The following PCSK6 variants were observed in gnomAD, a reference collection of about 807,000 sequenced individuals.
The protein encoded by PCSK6 is paired basic amino acid cleaving enzyme 4.
Under a neutral mutation model 123.3 loss-of-function variants are expected in PCSK6, and 85 were observed. That is an observed-to-expected ratio of 0.69 (90% CI 0.58 to 0.83). PCSK6 has a LOEUF of 0.83. Ranked by LOEUF, PCSK6 falls within the 40% of genes least tolerant of loss-of-function variation. The pLI is 0.00. For synonymous variants in PCSK6, 508 were observed against 516.0 expected (o/e 0.98, Z 0.21); for missense variants, 1,191 against 1,282.3 (o/e 0.93, Z 1.09).
intron 11 of PCSK6, among the ~76,000 whole-genome samples, chr15:101,380,947 G>A (rs1185699778): frequency 1.3e-5 from 2 of 152,118 alleles, no homozygotes; most frequent in African/African-American, 4.8e-5. Flanking sequence ...ACAAGGCCCA[G>A]AGAAACACCG....
chr15:101,310,322 C>T (rs922983542), intron 20 of PCSK6, among the ~76,000 whole-genome samples: 2 of 152,148 alleles, frequency 1.3e-5, no homozygotes, highest in Non-Finnish European at 2.9e-5. Context: ...GAGAGGTTTG[C>T]GGTGGGGCTG....
intron 13 of PCSK6, among the ~76,000 whole-genome samples, chr15:101,359,515 G>A (rs2041148226): frequency 6.6e-6 from 1 of 152,252 alleles, no homozygotes; most frequent in Admixed American, 6.5e-5. Context: ...CACCTATTGG[G>A]CACCTATCAT....
intron 1 of PCSK6, among the ~76,000 whole-genome samples, chr15:101,469,428 C>A (rs11637934): frequency 0.021 from 3,125 of 152,308 alleles, 60 homozygotes; most frequent in Admixed American, 0.045. Context: ...TAAGCTTCTA[C>A]GCTGGCTCCA....
In PCSK6 at chr15:101,434,708, G is replaced by A. The variant is rs928897203; in HGVS notation, c.403-2608C>T. 2.6e-5 allele frequency among the ~76,000 whole-genome samples: 4 copies of A among 152,298 alleles called. No individual in the cohort carries two copies. The Middle Eastern group carries it at 0.01, about 389-fold the overall frequency. ...GAGGTGCTCTCAGGCCAATGGAACCGAACACTGTACAACAGATGACTGACC... is the reference window on the plus strand; with the variant it reads ...GAGGTGCTCTCAGGCCAATGGAACCAAACACTGTACAACAGATGACTGACC... On this transcript the variant is annotated intron_variant, in intron 2 of 21. Coordinates refer to ENST00000611716, the MANE Select transcript of PCSK6 (RefSeq NM_002570.5).
chr15:101,427,521 C>T lies in PCSK6; in HGVS notation c.823+371G>A, dbSNP rs150932047. 4.6e-5 allele frequency among the ~76,000 whole-genome samples: 7 copies of T among 152,262 alleles called. No homozygotes were observed. In the East Asian group the frequency reaches 1.4e-3, roughly 29 times the overall value. ...TCAGAACCCAGGGAAAGCTCTGGTC[C>T]CGGGTAAAAGCTGTCACTCTGTCTG... On this transcript the variant is annotated intron_variant, in intron 6 of 21. Coordinates refer to ENST00000611716, the MANE Select transcript of PCSK6 (RefSeq NM_002570.5).
Position 101,431,045 on chromosome 15 carries a change from C to A in PCSK6, c.657+275G>T, listed in dbSNP as rs1479305177. On this transcript the variant is annotated intron_variant, in intron 4 of 21. Transcript: ENST00000611716. ...TTGCTACTATCTGTACGCTGATGAT[C>A]CCCCTCCATGCATTTCTTAGTTCTT... Among the ~76,000 whole-genome samples, 5 of 152,162 alleles carry A rather than the reference C, an allele frequency of 3.3e-5. 1 individual carries two copies. Among genetic ancestry groups the A allele is most frequent in the Middle Eastern group, 6.3e-3 (2 of 316 alleles).
At chr15:101,313,239 T>C in intron 20 of PCSK6, 137 bp downstream of exon 20, 1 of 1,558,802 alleles carries the variant, frequency 6.4e-7, no homozygotes, top group Middle Eastern at 1.7e-4. Context: ...AGCAGCTCTG[T>C]AAATGGGCTC....
intron 1 of PCSK6, among the ~76,000 whole-genome samples, chr15:101,448,217 T>G (rs562251854): frequency 4.6e-5 from 7 of 152,342 alleles, no homozygotes; most frequent in Non-Finnish European, 8.8e-5. Context: ...TCAACGTTGA[T>G]AGGCGATTAT....
At chr15:101,410,183 T>G (rs1173142803) in intron 6 of PCSK6, among the ~76,000 whole-genome samples, 1 of 152,236 alleles carries the variant, frequency 6.6e-6, no homozygotes, top group African/African-American at 2.4e-5. Flanking sequence ...TCCTCCTGCC[T>G]TGGCCTCCCA....
chr15:101,464,697 G>A (rs28412659), intron 1 of PCSK6, among the ~76,000 whole-genome samples: 32,209 of 152,068 alleles, frequency 0.21, 4,031 homozygotes, highest in African/African-American at 0.35. Flanking sequence ...GATCTACTGC[G>A]TGACACCCTG....
chr15:101,305,320 G>C lies in PCSK6; in HGVS notation c.2848C>G (p.Arg950Gly). 2 of 1,612,756 alleles carry C rather than the reference G, an allele frequency of 1.2e-6. No homozygotes were observed. Among genetic ancestry groups the C allele is most frequent in the South Asian group, 2.2e-5 (2 of 91,024 alleles). The change falls in exon 22 of 22, where the codon CGG becomes GGG. Residue 950 changes from arginine (R) to glycine (G), a missense_variant. Arg to Gly is a moderately radical substitution (Grantham distance 125, BLOSUM62 -2). This residue lies in a region of PCSK6 where 630 missense variants were observed against 631.4 expected (regional missense o/e 1.00). Coordinates refer to ENST00000611716, the MANE Select transcript of PCSK6 (RefSeq NM_002570.5). The surrounding 1 kb of genome is among the most constrained non-coding windows in gnomAD (Gnocchi z 4.8). ...ETFCEMVKSNRLCERKLFIQF... is the reference protein window; with the variant it reads ...ETFCEMVKSNGLCERKLFIQF... ...ATGAAGAGCTTCCGTTCGCACAGCC[G>C]GTTGGACTTCACCATCTCGCAGAAT... is the stretch of plus-strand genomic sequence containing the variant.
At chr15:101,444,504 C>G (rs962798717) in intron 1 of PCSK6, among the ~76,000 whole-genome samples, 1 of 152,230 alleles carries the variant, frequency 6.6e-6, no homozygotes, top group East Asian at 1.9e-4. Flanking sequence ...GCTAAACCAT[C>G]CTGGTTTCTT....
At chr15:101,410,646 C>A (rs1262645222) in intron 6 of PCSK6, among the ~76,000 whole-genome samples, 1 of 152,194 alleles carries the variant, frequency 6.6e-6, no homozygotes, top group Non-Finnish European at 1.5e-5. Context: ...AAGGCTTCCC[C>A]TTCTGCTTCT....
Position 101,370,503 on chromosome 15 carries a change from A to C in PCSK6, c.1553T>G (p.Val518Gly), listed in dbSNP as rs2041548907. 1 of 1,523,448 alleles carries C rather than the reference A, an allele frequency of 6.6e-7. No homozygotes were observed. Among genetic ancestry groups the C allele is most frequent in the Non-Finnish European group, 8.8e-7 (1 of 1,130,834 alleles). The allele number at this position is 1,523,448 out of a possible 1,614,324, so 94.4% of individuals were successfully genotyped here. Residue 518 changes from valine (V) to glycine (G), a missense_variant, in exon 12 of 22, where the codon GTG becomes GGG. Transcript: ENST00000611716. ...KRPRSIPLVQVLRTTALTSAC... is the reference protein window; with the variant it reads ...KRPRSIPLVQGLRTTALTSAC... ...GCTGGTCAGGGCCGTAGTCCGCAGC[A>C]CCTGCACTAAGGGGATGCTCCTGGG...
At chr15:101,347,705 T>C in intron 13 of PCSK6, 1 of 1,612,986 alleles carries the variant, frequency 6.2e-7, no homozygotes, top group Middle Eastern at 1.7e-4. Context: ...TCTGTCCCTC[T>C]GCAGTATTTC....
intron 11 of PCSK6, among the ~76,000 whole-genome samples, chr15:101,375,380 T>A (rs899520213): frequency 6.6e-6 from 1 of 152,158 alleles, no homozygotes; most frequent in Non-Finnish European, 1.5e-5. Flanking sequence ...GGTCAGAAGG[T>A]GCTTTAATAT....
intron 13 of PCSK6, chr15:101,347,687 T>C (rs2040771382): frequency 3.7e-6 from 6 of 1,604,498 alleles, no homozygotes; most frequent in Non-Finnish European, 5.1e-6. Context: ...ATGTGGTGGC[T>C]TTGGTCATCT....
At chr15:101,443,513 C>T (rs1567225029) in intron 2 of PCSK6, 43 bp downstream of exon 2, 1 of 1,404,080 alleles carries the variant, frequency 7.1e-7, no homozygotes, top group South Asian at 1.2e-5. Flanking sequence ...GACCACAGAC[C>T]CAAACCCTCC....
chr15:101,340,945 ATT>A (rs34151107), intron 13 of PCSK6, among the ~76,000 whole-genome samples: 191 of 139,336 alleles, frequency 1.4e-3, no homozygotes, highest in African/African-American at 4.7e-3. Context: ...CTTCTCCCAA[ATT>A]TTTTTTTTTT....
Sources: gnomAD v4.1 joint callset for allele counts (sites outside exome capture counted in the v4.1 genomes callset) on GRCh38, gnomAD v4.1.1 for gene constraint, gnomAD v4.1.1 regional missense constraint, Gnocchi (gnomAD v3.1) non-coding constraint, MANE v1.5 for transcripts, NCBI Gene and HGNC (gene_info 2026-07-23, HGNC 2026-07-21) for gene names.